The following DIAPH2 variants were observed in gnomAD, a reference collection of about 807,000 sequenced individuals.
The protein encoded by DIAPH2 is protein diaphanous homolog 2.
In DIAPH2, 35 loss-of-function variants were observed where a neutral mutation model predicts 92.7. That is an observed-to-expected ratio of 0.38 (90% CI 0.29 to 0.50). The LOEUF (loss-of-function observed/expected upper bound fraction) is 0.50, where lower values mean the gene tolerates loss of function less well. Among genes scored for constraint, DIAPH2 ranks in the 20% least tolerant of loss-of-function variants. DIAPH2 has a pLI of 0.94. For synonymous variants in DIAPH2, 301 were observed against 280.4 expected, an observed-to-expected ratio of 1.07 and a Z score of -0.73; for missense variants, 701 against 819.5, an observed-to-expected ratio of 0.86 and a Z score of 1.77.
At chrX:97,059,378 A>G (rs998875693) in intron 17 of DIAPH2, among the ~76,000 whole-genome samples, 3 of 111,777 alleles carry the variant, frequency 2.7e-5, no homozygotes, top group Non-Finnish European at 5.6e-5. Context: ...ACCTGGTATC[A>G]GATATAATCT....
intron 26 of DIAPH2, among the ~76,000 whole-genome samples, chrX:97,511,300 G>T (rs1401281404): frequency 2.2e-5 from 2 of 91,632 alleles, no homozygotes; most frequent in Non-Finnish European, 2.2e-5. Context: ...CTCATGATTT[G>T]GCTCTCTGTT....
chrX:97,363,409 C>T (rs2069344690), intron 24 of DIAPH2, among the ~76,000 whole-genome samples: 1 of 109,784 alleles, frequency 9.1e-6, no homozygotes, highest in African/African-American at 3.3e-5. Context: ...ATAATCCCAG[C>T]ACTTTGGGAG....
chrX:97,291,564 C>T (rs1044548239), intron 23 of DIAPH2, among the ~76,000 whole-genome samples: 5 of 108,057 alleles, frequency 4.6e-5, no homozygotes, highest in Admixed American at 4.0e-4. Flanking sequence ...GACAGAGTCT[C>T]ACTCTGTTGC....
chrX:97,515,820 T>C (rs1278647811), intron 26 of DIAPH2, among the ~76,000 whole-genome samples: 1 of 110,952 alleles, frequency 9.0e-6, no homozygotes, highest in African/African-American at 3.3e-5. Context: ...TGCTATTTTA[T>C]CAAATGCCAA....
rs1181172855 is a variant in DIAPH2 at position 97,010,509 on chromosome X, T to G, written c.2050+45302T>G. ...TGTGGATGGTTGTTCAATTTGGTGTTCTTGTGGGGAGGATGATCACAGTAG... is the reference window on the plus strand; with the variant it reads ...TGTGGATGGTTGTTCAATTTGGTGTGCTTGTGGGGAGGATGATCACAGTAG... On this transcript the variant is annotated intron_variant, in intron 17 of 26. Transcript: ENST00000324765. 3.6e-5 allele frequency among the ~76,000 whole-genome samples: 4 copies of G among 111,961 alleles called. No homozygotes were observed. In the East Asian group the frequency reaches 1.1e-3, roughly 32 times the overall value.
chrX:97,563,177 A>G (rs147216438), intron 26 of DIAPH2, among the ~76,000 whole-genome samples: 216 of 112,302 alleles, frequency 1.9e-3, no homozygotes, highest in African/African-American at 6.5e-3. Context: ...GGAAATAAAA[A>G]TTTTAAAAAT....
intron 26 of DIAPH2, among the ~76,000 whole-genome samples, chrX:97,458,986 C>G (rs1361704179): frequency 5.4e-5 from 6 of 111,558 alleles, no homozygotes; most frequent in African/African-American, 2.0e-4. Flanking sequence ...TAATTTGGTC[C>G]TCTATTAACT....
chrX:97,015,015 A>G (rs927467011), intron 17 of DIAPH2, among the ~76,000 whole-genome samples: 7 of 111,739 alleles, frequency 6.3e-5, no homozygotes, highest in African/African-American at 2.3e-4. Flanking sequence ...ATTTTTTAGT[A>G]TATTTGAGAA....
chrX:97,350,274 A>T (rs2069200019), intron 24 of DIAPH2, among the ~76,000 whole-genome samples: 1 of 110,335 alleles, frequency 9.1e-6, no homozygotes, highest in African/African-American at 3.3e-5. Flanking sequence ...AGACAGTGAG[A>T]CTCTCTGTCC....
At chrX:96,690,144 A>G (rs1338475109) in intron 1 of DIAPH2, among the ~76,000 whole-genome samples, 1 of 111,032 alleles carries the variant, frequency 9.0e-6, no homozygotes, top group Non-Finnish European at 1.9e-5. Context: ...TCAGAGCCTA[A>G]ACTTCCAAGC....
intron 22 of DIAPH2, among the ~76,000 whole-genome samples, chrX:97,154,115 C>T (rs1451241521): frequency 3.6e-5 from 4 of 111,383 alleles, no homozygotes; most frequent in African/African-American, 9.8e-5. Context: ...TGTTTATGCT[C>T]GGCACTGTTT....
intron 4 of DIAPH2, among the ~76,000 whole-genome samples, chrX:96,781,489 A>G (rs2064417427): frequency 9.0e-6 from 1 of 111,403 alleles, no homozygotes; most frequent in South Asian, 3.7e-4. Flanking sequence ...TTCACTATCC[A>G]TTTTATATCC....
intron 22 of DIAPH2, among the ~76,000 whole-genome samples, chrX:97,243,292 G>A (rs1224073363): frequency 1.2e-5 from 1 of 81,077 alleles, no homozygotes; most frequent in African/African-American, 4.8e-5. Context: ...TCTTGTATTT[G>A]CTGTCTTTCC....
chrX:97,413,828 G>T (rs1734965260), intron 25 of DIAPH2, among the ~76,000 whole-genome samples: 1 of 111,156 alleles, frequency 9.0e-6, no homozygotes, highest in Non-Finnish European at 1.9e-5. Flanking sequence ...AAATACCTAG[G>T]GATCCAACTT....
At chrX:96,751,204 A>G (rs1457820787) in intron 3 of DIAPH2, among the ~76,000 whole-genome samples, 1 of 111,641 alleles carries the variant, frequency 9.0e-6, no homozygotes, top group Non-Finnish European at 1.9e-5. Flanking sequence ...GAAGTGAAGG[A>G]ATTTGTCTAT....
At chrX:97,430,381 G>T (rs932380613) in intron 26 of DIAPH2, among the ~76,000 whole-genome samples, 1 of 112,580 alleles carries the variant, frequency 8.9e-6, no homozygotes, top group African/African-American at 3.2e-5. Context: ...TACTTTCTCT[G>T]TTCATACCCT....
At chrX:96,881,516 C>T in intron 4 of DIAPH2, 63 bp from the exon 5 acceptor site, 1 of 938,416 alleles carries the variant, frequency 1.1e-6, no homozygotes, top group Non-Finnish European at 1.5e-6. Flanking sequence ...ATATTCTATG[C>T]ATTATTTTAC....
intron 26 of DIAPH2, among the ~76,000 whole-genome samples, chrX:97,582,557 T>C (rs1164853650): frequency 5.5e-5 from 6 of 110,073 alleles, no homozygotes; most frequent in African/African-American, 2.0e-4. Flanking sequence ...GTTAGTCTGA[T>C]GGGCTTCCCT....
At chrX:96,800,777 G>A (rs2064576750) in intron 4 of DIAPH2, among the ~76,000 whole-genome samples, 1 of 111,901 alleles carries the variant, frequency 8.9e-6, no homozygotes, top group African/African-American at 3.2e-5. Context: ...TGCAATCCCC[G>A]ATACAATTAA....
Sources: allele counts gnomAD v4.1 joint callset (sites outside exome capture counted in the v4.1 genomes callset), GRCh38; gene constraint gnomAD v4.1.1; transcripts MANE v1.5; gene names NCBI Gene and HGNC (gene_info 2026-07-23, HGNC 2026-07-21).